USP54: variants seen among roughly 807,000 people sequenced by gnomAD.
USP54 encodes ubiquitin specific peptidase 54, also known as ubiquitin carboxyl-terminal hydrolase 54.
In USP54, 87 loss-of-function variants were observed where a neutral mutation model predicts 170.5. That is an observed-to-expected ratio of 0.51 (90% CI 0.43 to 0.61). The LOEUF is 0.61. Among genes scored for constraint, USP54 ranks in the 20% least tolerant of loss-of-function variants. The probability of loss-of-function intolerance (pLI) is 0.00; values close to 1 mark genes in which losing one functional copy is unlikely to be tolerated. For synonymous variants in USP54, 655 were observed against 742.8 expected (o/e 0.88, Z 1.92); for missense variants, 1,786 against 2,047.8 (o/e 0.87, Z 2.47).
intron 1 of USP54, among the ~76,000 whole-genome samples, chr10:73,581,040 C>T (rs1471437435): frequency 6.6e-6 from 1 of 152,236 alleles, no homozygotes; most frequent in East Asian, 1.9e-4. Flanking sequence ...CACCACATTT[C>T]TCAGAACACA....
At chr10:73,514,482 G>C (rs985483257) in intron 20 of USP54, among the ~76,000 whole-genome samples, 1 of 151,288 alleles carries the variant, frequency 6.6e-6, no homozygotes, top group Non-Finnish European at 1.5e-5. Flanking sequence ...GAAGTGGCCT[G>C]AACCCAGGAG....
intron 4 of USP54, among the ~76,000 whole-genome samples, chr10:73,566,169 G>T (rs2073746777): frequency 6.6e-6 from 1 of 152,142 alleles, no homozygotes; most frequent in Non-Finnish European, 1.5e-5. Flanking sequence ...GGCGGAGGTT[G>T]CAGTGAGCTG....
upstream of USP54, among the ~76,000 whole-genome samples, chr10:73,595,720 TAA>T (rs2078670402): frequency 6.6e-6 from 1 of 152,194 alleles, no homozygotes; most frequent in Non-Finnish European, 1.5e-5. Context: ...CAAGGGTTTT[TAA>T]AAGTCTTGGA....
chr10:73,499,173 A>C lies in USP54; in HGVS notation c.4511T>G (p.Val1504Gly), dbSNP rs909389158. Residue 1504 changes from valine to glycine, a missense_variant, in exon 24 of 24, where the codon GTC (valine) becomes GGC (glycine). Val to Gly is a moderately radical substitution (Grantham distance 109). Around this residue, in one of 3 missense-constraint regions of USP54, gnomAD observed 1,418 missense variants for 1,569.0 expected, o/e 0.90. Coordinates refer to ENST00000687698, the MANE Select transcript of USP54 (RefSeq NM_001391956.1). ...PNRLPGTSRS[V>G]QQFLAMCDRG... ...GTCACACATAGCCAGAAACTGCTGG[A>C]CACTCCTTGAAGTTCCTGGGGAAAG... is the stretch of plus-strand genomic sequence containing the variant. 2 of 1,606,580 alleles carry C rather than the reference A, an allele frequency of 1.2e-6. No homozygotes were observed. Among genetic ancestry groups the C allele is most frequent in the African/African-American group, 2.7e-5 (2 of 74,398 alleles).
chr10:73,556,341 T>C (rs1330965989), intron 4 of USP54, among the ~76,000 whole-genome samples: 1 of 150,924 alleles, frequency 6.6e-6, no homozygotes, highest in African/African-American at 2.5e-5. Flanking sequence ...ATTTCTTTTT[T>C]TTTCTTTTTT....
intron 1 of USP54, among the ~76,000 whole-genome samples, chr10:73,620,613 G>A (rs570482537): frequency 9.5e-5 from 14 of 147,298 alleles, no homozygotes; most frequent in African/African-American, 3.6e-4. Context: ...ATAATCTCAC[G>A]TAGATTTTTA....
chr10:73,522,332 C>T (rs186162503), intron 17 of USP54, among the ~76,000 whole-genome samples: 1 of 152,118 alleles, frequency 6.6e-6, no homozygotes, highest in African/African-American at 2.4e-5. Context: ...TTTTTAAGTT[C>T]TCTACTCTAT....
At chr10:73,540,662 G>A (rs1265616082) in intron 9 of USP54, among the ~76,000 whole-genome samples, 1 of 152,184 alleles carries the variant, frequency 6.6e-6, no homozygotes, top group Non-Finnish European at 1.5e-5. Flanking sequence ...TTCACAGGCA[G>A]AATCATTGCA....
At chr10:73,613,970 C>T (rs943211857) in intron 1 of USP54, 1 of 151,650 alleles carries the variant, frequency 6.6e-6, no homozygotes, top group African/African-American at 2.4e-5. Context: ...TTTGGAAGGC[C>T]GAGGAGGACA....
intron 1 of USP54, among the ~76,000 whole-genome samples, chr10:73,616,139 G>A (rs2080613186): frequency 6.7e-6 from 1 of 149,830 alleles, no homozygotes; most frequent in African/African-American, 2.5e-5. Context: ...AGGAGTTCAA[G>A]ACTAGCCTGG....
Position 73,517,545 on chromosome 10 carries a change from C to A in USP54, c.2881G>T (p.Val961Leu). Residue 961 changes from valine to leucine, a missense_variant, in exon 20 of 24, where the codon GTA (valine) becomes TTA (leucine). By Grantham distance (32) the Val-to-Leu change is conservative (BLOSUM62 1). Transcript: ENST00000687698. ...SALKLLTSVE[V>L]DNIEPSAFHR... ...AATGCAGAGGGTTCAATGTTGTCTA[C>A]TTCAACCGAAGTCAGAAGCTTCAAG... The A allele has an allele frequency of 1.2e-6, 2 of 1,614,218 alleles. No homozygotes were observed. Among genetic ancestry groups the A allele is most frequent in the Non-Finnish European group, 1.7e-6 (2 of 1,180,042 alleles).
chr10:73,599,188 T>C (rs1317312997), intron 1 of USP54, among the ~76,000 whole-genome samples: 1 of 152,252 alleles, frequency 6.6e-6, no homozygotes, highest in African/African-American at 2.4e-5. Context: ...AGTTATTCGA[T>C]GTCTGACACA....
chr10:73,612,356 CCTT>C (rs1006075109), intron 1 of USP54, among the ~76,000 whole-genome samples: 1 of 152,044 alleles, frequency 6.6e-6, no homozygotes. Context: ...GCTTTTTCCC[CCTT>C]GTTTTAATTC....
intron 4 of USP54, among the ~76,000 whole-genome samples, chr10:73,570,393 A>G (rs2074903084): frequency 1.4e-5 from 2 of 142,272 alleles, no homozygotes; most frequent in African/African-American, 6.1e-5. Flanking sequence ...AAAACTTGGA[A>G]ACAGGTGGGG....
At chr10:73,571,011 G>A (rs1447243973) in intron 4 of USP54, among the ~76,000 whole-genome samples, 4 of 151,774 alleles carry the variant, frequency 2.6e-5, no homozygotes, top group Non-Finnish European at 5.9e-5. Context: ...GGTGGCACAC[G>A]CCTATAATCC....
chr10:73,497,643 G>A lies in USP54; in HGVS notation c.*986C>T, dbSNP rs1168126288. 1 of 152,342 alleles carries A rather than the reference G, an allele frequency of 6.6e-6. No homozygotes were observed. Among genetic ancestry groups the A allele is most frequent in the Non-Finnish European group, 1.5e-5 (1 of 68,050 alleles). The allele number at this position is 152,342 out of a possible 1,614,324, so 9.4% of individuals were successfully genotyped here. ...ACTCTGAGGGTTTACATTGACGACT[G>A]AGCAAGTGGCAATAATGGCTGTGTT... On this transcript the variant is annotated 3_prime_UTR_variant, in exon 24 of 24. Coordinates refer to ENST00000687698, the MANE Select transcript of USP54 (RefSeq NM_001391956.1).
chr10:73,616,432 A>T (rs1254275599), intron 1 of USP54, among the ~76,000 whole-genome samples: 3 of 149,422 alleles, frequency 2.0e-5, no homozygotes, highest in Non-Finnish European at 2.9e-5. Context: ...GTTTTCACTT[A>T]TAAGTGGCAG....
intron 12 of USP54, among the ~76,000 whole-genome samples, chr10:73,531,288 C>CA (rs767034881): frequency 0.025 from 2,410 of 97,508 alleles, 31 homozygotes; most frequent in African/African-American, 0.051. Context: ...AAGACTGTCT[C>CA]AAAAAAAAAA....
intron 1 of USP54, among the ~76,000 whole-genome samples, chr10:73,602,855 C>CAAAAAAAAAAAAAAAAA: frequency 2.4e-5 from 1 of 41,428 alleles, no homozygotes; most frequent in African/African-American, 6.7e-5. Context: ...GACTCTGTCT[C>CAAAAAAAAAAAAAAAAA]AAAAAAAAAA....
Sources: allele counts gnomAD v4.1 joint callset (sites outside exome capture counted in the v4.1 genomes callset), GRCh38; gene constraint gnomAD v4.1.1; regional missense constraint gnomAD v4.1.1; transcripts MANE v1.5; gene names NCBI Gene and HGNC (gene_info 2026-07-23, HGNC 2026-07-21).